SHISA9: variants seen among roughly 807,000 people sequenced by gnomAD.
The protein encoded by SHISA9 is protein shisa-9.
Under a neutral mutation model 38.0 loss-of-function variants are expected in SHISA9, and 13 were observed. The ratio of observed to expected loss-of-function variants is 0.34; its 90% CI spans 0.22 to 0.54. SHISA9 has a LOEUF of 0.54. SHISA9 is among the 20% of genes least tolerant of loss of function. The pLI is 0.91. For missense variants in SHISA9, 538 were observed against 575.8 expected (o/e 0.93, Z 0.67); for synonymous variants, 275 against 242.0 (o/e 1.14, Z -1.27).
the SHISA9 span, among the ~76,000 whole-genome samples, chr16:13,368,760 G>T: frequency 1.3e-5 from 2 of 151,424 alleles, no homozygotes; most frequent in African/African-American, 4.8e-5. Flanking sequence ...AACCCACTGG[G>T]ATATGGAAAT....
Position 13,200,445 on chromosome 16 carries a change from AGCAG to A in SHISA9, c.692-2948_692-2945del, listed in dbSNP as rs1596726027. Among the ~76,000 whole-genome samples, 24 of 100,868 alleles carry A rather than the reference AGCAG, an allele frequency of 2.4e-4. No individual in the cohort carries two copies. In the East Asian group the frequency reaches 5.1e-3, roughly 21 times the overall value. 66.2% of individuals were successfully genotyped at this position (100,868 alleles called of 152,430 possible). ...ACACACACACACACACACACACAGCAGCAGCAGCAGCAGCAGCAGCATACAATGA... is the reference window on the plus strand; with the variant it reads ...ACACACACACACACACACACACAGCACAGCAGCAGCAGCAGCATACAATGA... On this transcript the variant is annotated intron_variant, in intron 2 of 4. Coordinates refer to ENST00000558583, the MANE Select transcript of SHISA9 (RefSeq NM_001145204.3).
At chr16:12,940,651 G>GA (rs1377122378) in intron 2 of SHISA9, among the ~76,000 whole-genome samples, 1 of 152,226 alleles carries the variant, frequency 6.6e-6, no homozygotes, top group Non-Finnish European at 1.5e-5. Flanking sequence ...CCCTTCTACA[G>GA]AAGTAAATTT....
At chr16:13,255,520 TA>T in the SHISA9 span, among the ~76,000 whole-genome samples, 1 of 152,160 alleles carries the variant, frequency 6.6e-6, no homozygotes, top group Non-Finnish European at 1.5e-5. Context: ...TTCTGTTGTC[TA>T]AAAAAAGTAC....
At chr16:13,242,844 G>A (rs997061644), downstream of SHISA9, among the ~76,000 whole-genome samples, 3 of 152,204 alleles carry the variant, frequency 2.0e-5, no homozygotes, top group African/African-American at 7.2e-5. Context: ...GGATTTTAGT[G>A]TGTATATTAA....
chr16:13,017,047 T>C (rs2072766242), intron 2 of SHISA9, among the ~76,000 whole-genome samples: 1 of 150,100 alleles, frequency 6.7e-6, no homozygotes, highest in Non-Finnish European at 1.5e-5. Flanking sequence ...TGAGACGGAG[T>C]CTTGCTCTGT....
At chr16:13,306,529 C>T in the SHISA9 span, among the ~76,000 whole-genome samples, 1 of 152,072 alleles carries the variant, frequency 6.6e-6, no homozygotes, top group African/African-American at 2.4e-5. Flanking sequence ...CTGAGAATGG[C>T]TTAACTGCTC....
At chr16:13,420,464 A>T in the SHISA9 span, among the ~76,000 whole-genome samples, 2 of 152,034 alleles carry the variant, frequency 1.3e-5, no homozygotes, top group Non-Finnish European at 2.9e-5. Flanking sequence ...GAGATGAAGA[A>T]ACCAGAAATG....
intron 2 of SHISA9, among the ~76,000 whole-genome samples, chr16:12,996,480 C>T (rs2072458895): frequency 6.6e-6 from 1 of 152,148 alleles, no homozygotes; most frequent in Admixed American, 6.5e-5. Flanking sequence ...CCATCTTTCC[C>T]AGGTCAGCTT....
rs550223645 is a variant in SHISA9 at position 13,053,651 on chromosome 16, G to A, written c.691+136836G>A. Among the ~76,000 whole-genome samples, 326 of 151,914 alleles carry A rather than the reference G, an allele frequency of 2.1e-3. 3 individuals are homozygous for A. The highest frequency in any genetic ancestry group is 7.7e-3 in the African/African-American group (317 of 41,282). On this transcript the variant is annotated intron_variant, in intron 2 of 4. Coordinates refer to ENST00000558583, the MANE Select transcript of SHISA9 (RefSeq NM_001145204.3). ...CTTTCTTCAGTTTTCAGACCTCCCTGATCTTTCTTCGTGTATCTTAAGCCC... is the reference window on the plus strand; with the variant it reads ...CTTTCTTCAGTTTTCAGACCTCCCTAATCTTTCTTCGTGTATCTTAAGCCC...
At chr16:13,306,240 G>A in the SHISA9 span, among the ~76,000 whole-genome samples, 3 of 152,322 alleles carry the variant, frequency 2.0e-5, no homozygotes, top group African/African-American at 7.2e-5. Context: ...TCTGCAGGAA[G>A]GGAGGGGTGG....
In SHISA9 at chr16:13,239,407, G is replaced by A. The variant is rs1473404790; in HGVS notation, c.*3998G>A. 6 of 151,090 alleles carry A rather than the reference G, an allele frequency of 4.0e-5. No individual in the cohort carries two copies. Among genetic ancestry groups the A allele is most frequent in the Non-Finnish European group, 7.4e-5 (5 of 67,724 alleles). The allele number at this position is 151,090 out of a possible 1,614,324, so 9.4% of individuals were successfully genotyped here. A position where few individuals can be genotyped will look rare whatever the true frequency, so the allele number is the denominator to read the frequency against. ...TCTAGTTCTAGATCCCTGAGGAATC[G>A]CCACACTGACTTCCACAATGGTTGA... is the stretch of plus-strand genomic sequence containing the variant. On this transcript the variant is annotated 3_prime_UTR_variant, in exon 5 of 5. Coordinates refer to ENST00000558583, the MANE Select transcript of SHISA9 (RefSeq NM_001145204.3).
intron 2 of SHISA9, among the ~76,000 whole-genome samples, chr16:12,969,112 C>T (rs1027597369): frequency 5.3e-5 from 8 of 150,946 alleles, no homozygotes; most frequent in African/African-American, 1.7e-4. Context: ...AGCTGAGATC[C>T]TGCCACTGCT....
chr16:13,546,266 C>T, the SHISA9 span, among the ~76,000 whole-genome samples: 2 of 152,206 alleles, frequency 1.3e-5, no homozygotes, highest in Non-Finnish European at 2.9e-5. Context: ...GTTCTCCCTG[C>T]TTCTTCCCAC....
At chr16:13,007,458 C>A (rs1364003475) in intron 2 of SHISA9, among the ~76,000 whole-genome samples, 1 of 152,166 alleles carries the variant, frequency 6.6e-6, no homozygotes, top group Non-Finnish European at 1.5e-5. Flanking sequence ...TTGCCTGTGG[C>A]CGCCATATTG....
At chr16:13,158,595 A>T (rs1567230976) in intron 2 of SHISA9, among the ~76,000 whole-genome samples, 1 of 152,190 alleles carries the variant, frequency 6.6e-6, no homozygotes, top group Non-Finnish European at 1.5e-5. Flanking sequence ...TCAAAGACAC[A>T]TCTGATTGGC....
intron 2 of SHISA9, among the ~76,000 whole-genome samples, chr16:13,053,696 C>A (rs147106219): frequency 9.2e-5 from 14 of 152,322 alleles, no homozygotes; most frequent in South Asian, 4.1e-4. Context: ...ATTCCTGCCT[C>A]AGTGACTGTG....
the SHISA9 span, among the ~76,000 whole-genome samples, chr16:13,425,849 C>T: frequency 6.6e-6 from 1 of 152,120 alleles, no homozygotes; most frequent in South Asian, 2.1e-4. Context: ...AGAAGATCCC[C>T]AAGCCACAGG....
chr16:13,522,899 T>C, the SHISA9 span, among the ~76,000 whole-genome samples: 15 of 152,100 alleles, frequency 9.9e-5, no homozygotes. Flanking sequence ...TCAGCCCCTG[T>C]TATATTACAG....
At chr16:13,246,434 C>G in the SHISA9 span, 3,190 of 152,294 alleles carry the variant, frequency 0.021, 42 homozygotes, top group Middle Eastern at 0.034. Context: ...TTCCTAGTCT[C>G]AGGTATATCT....
Sources: allele counts gnomAD v4.1 joint callset (sites outside exome capture counted in the v4.1 genomes callset), GRCh38; gene constraint gnomAD v4.1.1; transcripts MANE v1.5; gene names NCBI Gene and HGNC (gene_info 2026-07-23, HGNC 2026-07-21).